The following ZC3H12B variants were observed in gnomAD, a reference collection of about 807,000 sequenced individuals.
ZC3H12B encodes the protein probable ribonuclease ZC3H12B.
ZC3H12B carries 7 observed loss-of-function variants against 43.9 expected under a neutral mutation model. The observed-to-expected ratio is 0.16, with a 90% confidence interval of 0.09 to 0.30. The LOEUF is 0.30. ZC3H12B is among the 10% of genes least tolerant of loss of function. The probability of loss-of-function intolerance (pLI) is 1.00; values close to 1 mark genes in which losing one functional copy is unlikely to be tolerated. For synonymous variants in ZC3H12B, 222 were observed against 241.7 expected (o/e 0.92, Z 0.76); for missense variants, 475 against 670.2 (o/e 0.71, Z 3.22).
chrX:65,389,957 C>T (rs1032628940), intron 2 of ZC3H12B, among the ~76,000 whole-genome samples: 9 of 111,990 alleles, frequency 8.0e-5, no homozygotes, highest in Admixed American at 1.9e-4. Context: ...CACATGCACA[C>T]GTATGTTTAT....
At chrX:65,186,724 T>C in the ZC3H12B span, among the ~76,000 whole-genome samples, 1 of 110,755 alleles carries the variant, frequency 9.0e-6, no homozygotes. Flanking sequence ...TCCAGTGTAT[T>C]ATTCTTATGC....
intron 3 of ZC3H12B, among the ~76,000 whole-genome samples, chrX:65,419,607 A>C (rs1158139771): frequency 9.0e-6 from 1 of 111,584 alleles, no homozygotes; most frequent in Non-Finnish European, 1.9e-5. Flanking sequence ...TGAAGTGAAC[A>C]AGAGGCTTTG....
At chrX:65,236,127 AAGAG>A in the ZC3H12B span, among the ~76,000 whole-genome samples, 2 of 111,993 alleles carry the variant, frequency 1.8e-5, no homozygotes, top group Non-Finnish European at 3.8e-5. Flanking sequence ...GGAAATAAAC[AAGAG>A]AGAGAGGCTA....
At chrX:65,189,350 T>G in the ZC3H12B span, among the ~76,000 whole-genome samples, 1 of 81,507 alleles carries the variant, frequency 1.2e-5, no homozygotes, top group Non-Finnish European at 2.2e-5. Context: ...TTTCTAGTTC[T>G]AGATCCCTGA....
chrX:65,167,756 T>A, the ZC3H12B span, among the ~76,000 whole-genome samples: 2 of 111,925 alleles, frequency 1.8e-5, no homozygotes, highest in Non-Finnish European at 3.8e-5. Flanking sequence ...GTCCTTCACA[T>A]CCCTTGTAAG....
the ZC3H12B span, among the ~76,000 whole-genome samples, chrX:65,172,522 G>T: frequency 2.7e-5 from 3 of 111,746 alleles, no homozygotes; most frequent in African/African-American, 3.2e-5. Context: ...GTCCTGTATG[G>T]TATTAAGTTT....
chrX:65,261,646 C>A, the ZC3H12B span, among the ~76,000 whole-genome samples: 1 of 110,265 alleles, frequency 9.1e-6, no homozygotes, highest in South Asian at 3.8e-4. Context: ...AAATTATCTA[C>A]CTATCACATC....
chrX:65,158,172 T>G, the ZC3H12B span, among the ~76,000 whole-genome samples: 8 of 109,514 alleles, frequency 7.3e-5, no homozygotes, highest in South Asian at 4.1e-4. Flanking sequence ...CAGTCTATCA[T>G]TGTTGGACAT....
chrX:65,162,378 G>A, the ZC3H12B span, among the ~76,000 whole-genome samples: 159 of 111,812 alleles, frequency 1.4e-3, no homozygotes, highest in African/African-American at 4.6e-3. Flanking sequence ...ACTTCGTTCC[G>A]TTCTCCCCAT....
chrX:65,252,253 T>A, the ZC3H12B span, among the ~76,000 whole-genome samples: 3 of 111,448 alleles, frequency 2.7e-5, no homozygotes, highest in Non-Finnish European at 5.6e-5. Flanking sequence ...GATTTGTGTA[T>A]GTTGAACCAG....
upstream of ZC3H12B, among the ~76,000 whole-genome samples, chrX:65,365,383 T>C (rs1373201158): frequency 9.0e-6 from 1 of 111,166 alleles, no homozygotes; most frequent in Admixed American, 9.6e-5. Flanking sequence ...GTCTTTCATT[T>C]AGTTTCCCAA....
chrX:65,195,154 C>A, the ZC3H12B span, among the ~76,000 whole-genome samples: 2 of 107,860 alleles, frequency 1.9e-5, no homozygotes, highest in African/African-American at 6.8e-5. Context: ...TAATCAAGTT[C>A]CATTTGATGT....
chrX:65,133,768 G>A, the ZC3H12B span, among the ~76,000 whole-genome samples: 1 of 110,218 alleles, frequency 9.1e-6, no homozygotes, highest in Non-Finnish European at 1.9e-5. Flanking sequence ...AGAAAAGGAG[G>A]ATTCAAAGGA....
the ZC3H12B span, among the ~76,000 whole-genome samples, chrX:65,207,249 TATACACAC>T: frequency 3.9e-5 from 4 of 103,369 alleles, no homozygotes; most frequent in African/African-American, 1.5e-4. Flanking sequence ...TGTGTGTATA[TATACACAC>T]ACACACACAC....
the ZC3H12B span, among the ~76,000 whole-genome samples, chrX:65,069,630 C>A: frequency 1.8e-5 from 2 of 111,693 alleles, no homozygotes; most frequent in Non-Finnish European, 3.8e-5. Flanking sequence ...CCTGTGTCCT[C>A]CTACTTTATT....
chrX:65,456,841 T>C (rs1375589657), intron 3 of ZC3H12B, among the ~76,000 whole-genome samples: 1 of 109,307 alleles, frequency 9.1e-6, no homozygotes, highest in African/African-American at 3.3e-5. Flanking sequence ...GTGCCGAGAT[T>C]GCAGCCTCTG....
At chrX:65,384,756 C>G (rs1286465446) in intron 2 of ZC3H12B, among the ~76,000 whole-genome samples, 1 of 111,703 alleles carries the variant, frequency 9.0e-6, no homozygotes, top group African/African-American at 3.3e-5. Context: ...GATATGTTGT[C>G]TATGAGAAAC....
chrX:65,505,148 T>C, exon 5 of ZC3H12B: 1 of 112,590 alleles, frequency 8.9e-6, no homozygotes, highest in Middle Eastern at 4.6e-3. Context: ...TATTTCAATA[T>C]TTCGAACCAT....
At chrX:65,452,195 G>A (rs1218486239) in intron 3 of ZC3H12B, among the ~76,000 whole-genome samples, 1 of 111,244 alleles carries the variant, frequency 9.0e-6, no homozygotes, top group Non-Finnish European at 1.9e-5. Context: ...AATCAGACCA[G>A]AGAAAGAAAT....
Sources: gnomAD v4.1 joint callset for allele counts (sites outside exome capture counted in the v4.1 genomes callset) on GRCh38, gnomAD v4.1.1 for gene constraint, MANE v1.5 for transcripts, NCBI Gene and HGNC (gene_info 2026-07-23, HGNC 2026-07-21) for gene names.